PCDHA10: variants seen among roughly 807,000 people sequenced by gnomAD.
PCDHA10 encodes the protein protocadherin alpha 10.
In PCDHA10, 45 loss-of-function variants were observed where a neutral mutation model predicts 61.2. The ratio of observed to expected loss-of-function variants is 0.74; its 90% CI spans 0.58 to 0.94. The LOEUF (loss-of-function observed/expected upper bound fraction) is 0.94, where lower values mean the gene tolerates loss of function less well. PCDHA10 is among the 40% of genes least tolerant of loss of function. PCDHA10 has a pLI of 0.00. For synonymous variants in PCDHA10, 602 were observed against 548.8 expected, an observed-to-expected ratio of 1.10 and a Z score of -1.35; for missense variants, 1,278 against 1,236.2, an observed-to-expected ratio of 1.03 and a Z score of -0.51.
At chr5:140,902,914 G>A (rs560076660) in intron 1 of PCDHA10, among the ~76,000 whole-genome samples, 14 of 152,306 alleles carry the variant, frequency 9.2e-5, no homozygotes, top group African/African-American at 2.9e-4. Context: ...TGGCTGAGTA[G>A]TATTGCATGG....
chr5:140,898,321 G>T (rs370229202), intron 1 of PCDHA10, among the ~76,000 whole-genome samples: 1 of 151,946 alleles, frequency 6.6e-6, no homozygotes. Context: ...TTATGGTTTT[G>T]GGTCTAACGT....
At chr5:140,884,499 C>A (rs782667822) in intron 1 of PCDHA10, 2 of 1,614,062 alleles carry the variant, frequency 1.2e-6, no homozygotes, top group Non-Finnish European at 8.5e-7. Flanking sequence ...TGCTCCAGCG[C>A]GGCAGGGAGT....
chr5:140,967,401 G>A lies in PCDHA10; in HGVS notation c.2389-11548G>A. On this transcript the variant is annotated intron_variant, in intron 1 of 3. Transcript: ENST00000307360. ...AGTAAAGTGCTTGAGCTGGTGCTGC[G>A]TAAGGGCCTAGACCGGGAGCAGGCA... 3.1e-6 allele frequency: 5 copies of A among 1,611,944 alleles called. No individual in the cohort carries two copies. Among genetic ancestry groups the A allele is most frequent in the East Asian group, 2.2e-5 (1 of 44,806 alleles).
chr5:140,911,343 C>G (rs1223805451), intron 1 of PCDHA10, among the ~76,000 whole-genome samples: 1 of 152,136 alleles, frequency 6.6e-6, no homozygotes, highest in African/African-American at 2.4e-5. Flanking sequence ...CAATCAATGC[C>G]CTCATTTCAA....
intron 1 of PCDHA10, among the ~76,000 whole-genome samples, chr5:140,878,642 A>T (rs868995118): frequency 6.6e-6 from 1 of 152,216 alleles, no homozygotes; most frequent in East Asian, 1.9e-4. Context: ...TTCTATTTCT[A>T]CAAAAATATC....
At chr5:140,923,116 T>C (rs1418111802) in intron 1 of PCDHA10, among the ~76,000 whole-genome samples, 1 of 152,216 alleles carries the variant, frequency 6.6e-6, no homozygotes, top group African/African-American at 2.4e-5. Flanking sequence ...TTTAAGTTTT[T>C]AGGGTCACAC....
chr5:140,943,476 AAAT>A (rs1167849813), intron 1 of PCDHA10, among the ~76,000 whole-genome samples: 3 of 152,134 alleles, frequency 2.0e-5, no homozygotes, highest in Non-Finnish European at 2.9e-5. Context: ...AGATACAGTA[AAAT>A]AATAAATAGA....
intron 1 of PCDHA10, among the ~76,000 whole-genome samples, chr5:140,940,295 G>A (rs1363509137): frequency 5.3e-5 from 8 of 152,110 alleles, no homozygotes; most frequent in Non-Finnish European, 1.0e-4. Flanking sequence ...TGCTTCATCA[G>A]TAATTTATTA....
intron 1 of PCDHA10, among the ~76,000 whole-genome samples, chr5:140,944,308 C>T (rs1385219466): frequency 6.6e-6 from 1 of 152,138 alleles, no homozygotes; most frequent in Non-Finnish European, 1.5e-5. Context: ...CTACCTCAGC[C>T]TCCTGAGTAG....
intron 3 of PCDHA10, among the ~76,000 whole-genome samples, chr5:140,985,169 C>G (rs1169892350): frequency 6.6e-6 from 1 of 152,122 alleles, no homozygotes; most frequent in Non-Finnish European, 1.5e-5. Flanking sequence ...AATCTCCTGA[C>G]CTCGTAATCC....
At chr5:140,919,175 T>C (rs1282672890) in intron 1 of PCDHA10, among the ~76,000 whole-genome samples, 1 of 152,248 alleles carries the variant, frequency 6.6e-6, no homozygotes, top group Non-Finnish European at 1.5e-5. Context: ...AGTTGCTATA[T>C]CTTCCTGATT....
intron 1 of PCDHA10, chr5:140,869,562 A>C: frequency 2.5e-6 from 4 of 1,614,168 alleles, no homozygotes. Flanking sequence ...CGCGTTTTCC[A>C]CTAGAGGGAG....
chr5:140,856,991 T>TA lies in PCDHA10; in HGVS notation c.944dup (p.Tyr315Ter), dbSNP rs781903903. ...TATTGACTTTGAGGACAGTAACACT[T>TA]ATGAAATTCATGTAGATGTTACAGA... ...DAIDFEDSNTYEIHVDVTDKG... is the reference protein window; with the variant it reads ...DAIDFEDSNT The change falls in exon 1 of 4, where the codon TAT (tyrosine) becomes TAAT (stop). Residue 315 changes from tyrosine to a stop codon, truncating the protein, a stop_gained and frameshift_variant. Transcript: ENST00000307360. LOFTEE classifies it high-confidence loss of function. 5.6e-6 allele frequency: 9 copies of TA among 1,595,654 alleles called. No homozygotes were observed. The East Asian group carries it at 1.8e-4, about 32-fold the overall frequency.
chr5:141,006,992 A>C (rs1187318452), intron 3 of PCDHA10, among the ~76,000 whole-genome samples: 3 of 152,196 alleles, frequency 2.0e-5, no homozygotes, highest in Non-Finnish European at 2.9e-5. Flanking sequence ...GGCTTAAAAT[A>C]TAAGTCTGCA....
intron 1 of PCDHA10, chr5:140,864,139 T>C (rs2048337993): frequency 6.6e-6 from 1 of 152,226 alleles, no homozygotes; most frequent in South Asian, 2.1e-4. Context: ...GGCTGTTTCC[T>C]GTAAATGAGA....
intron 1 of PCDHA10, chr5:140,863,238 T>G (rs1367184463): frequency 9.1e-6 from 12 of 1,318,616 alleles, no homozygotes; most frequent in Non-Finnish European, 1.3e-5. Context: ...CATCGCGGGC[T>G]TTGGCGGGCG....
intron 1 of PCDHA10, chr5:140,968,059 G>A (rs1554230273): frequency 6.2e-7 from 1 of 1,614,106 alleles, no homozygotes; most frequent in South Asian, 1.1e-5. Context: ...ACCGAGAGCG[G>A]GTGGCTGTCT....
intron 1 of PCDHA10, among the ~76,000 whole-genome samples, chr5:140,921,910 A>G (rs1474219286): frequency 6.6e-6 from 1 of 152,086 alleles, no homozygotes; most frequent in Non-Finnish European, 1.5e-5. Context: ...TATATATTAC[A>G]TGATAAAACT....
At chr5:140,917,339 A>T (rs1199530347) in intron 1 of PCDHA10, among the ~76,000 whole-genome samples, 36 of 112,892 alleles carry the variant, frequency 3.2e-4, no homozygotes, top group East Asian at 2.4e-3. Context: ...GAGGGGGGGG[A>T]TGGTGTAGGC....
Sources: allele counts gnomAD v4.1 joint callset (sites outside exome capture counted in the v4.1 genomes callset), GRCh38; gene constraint gnomAD v4.1.1; transcripts MANE v1.5; gene names NCBI Gene and HGNC (gene_info 2026-07-23, HGNC 2026-07-21).